GTSE1: variants seen among roughly 807,000 people sequenced by gnomAD.
GTSE1 encodes the protein G2 and S phase-expressed protein 1.
A neutral mutation model predicts 60.5 loss-of-function variants in GTSE1; 52 were observed. The ratio of observed to expected loss-of-function variants is 0.86; its 90% CI spans 0.69 to 1.08. GTSE1 has a LOEUF of 1.08. GTSE1 is among the 50% of genes least tolerant of loss of function. The pLI is 0.00. For missense variants in GTSE1, 937 were observed against 961.8 expected (o/e 0.97, Z 0.34); for synonymous variants, 368 against 386.5 (o/e 0.95, Z 0.56).
intron 6 of GTSE1, 95 bp from the exon 7 acceptor site, chr22:46,315,937 A>C (rs2077776472): frequency 9.4e-6 from 9 of 952,598 alleles, no homozygotes; most frequent in Non-Finnish European, 1.4e-5. Context: ...TCTTATGTTT[A>C]AGGTAGATAT....
At chr22:46,322,223 T>G (rs1042598160) in intron 7 of GTSE1, among the ~76,000 whole-genome samples, 3 of 151,914 alleles carry the variant, frequency 2.0e-5, no homozygotes, top group African/African-American at 7.3e-5. Flanking sequence ...CTTGTTAAGA[T>G]GGAGGGCCCA....
chr22:46,312,286 C>A lies in GTSE1; in HGVS notation c.908C>A (p.Ala303Glu). 6.2e-7 allele frequency: 1 copy of A among 1,612,598 alleles called. No homozygotes were observed. The highest frequency in any genetic ancestry group is 8.5e-7 in the Non-Finnish European group (1 of 1,179,432). Reference sequence around the variant, plus strand: ...AGCCACTTGGGCCAGGGCAAGCGGGCGATCCCTGTTCCAAACAAGGTGAGT... The same window carrying A: ...AGCCACTTGGGCCAGGGCAAGCGGGAGATCCCTGTTCCAAACAAGGTGAGT... ...AGSHLGQGKR[A>E]IPVPNKLGLK... The change falls in exon 5 of 12, where the codon GCG becomes GAG. Residue 303 changes from alanine to glutamate, a missense_variant. Physicochemically the swap from Ala to Glu is moderately radical, Grantham distance 107 (BLOSUM62 -1). Transcript: ENST00000454366.
rs2077765676 is a variant in GTSE1, at chr22:46,314,212, A to G, written c.1051+199A>G. Among the ~76,000 whole-genome samples the G allele has an allele frequency of 6.6e-6, 1 of 152,274 alleles. No individual in the cohort carries two copies. The highest frequency in any genetic ancestry group is 6.5e-5 in the Admixed American group (1 of 15,282). On this transcript the variant is annotated intron_variant, in intron 6 of 11. Transcript: ENST00000454366. The surrounding 1 kb of genome is among the most constrained non-coding windows in gnomAD (Gnocchi z 7.1). Reference sequence around the variant, plus strand: ...TGCCTCTGTCCCATGAGGAGGGCACACTCAGATGGGTGGCTTCAGTCTACG... The same window carrying G: ...TGCCTCTGTCCCATGAGGAGGGCACGCTCAGATGGGTGGCTTCAGTCTACG...
chr22:46,311,555 C>G (rs2077748905), intron 4 of GTSE1, among the ~76,000 whole-genome samples: 1 of 152,238 alleles, frequency 6.6e-6, no homozygotes, highest in Non-Finnish European at 1.5e-5. Context: ...ACTGCTGCGT[C>G]TTTACCACTC....
At position 46,310,280 on chromosome 22, in the gene GTSE1, G is replaced by A. The variant is rs2077740994; in HGVS notation, c.762+1337G>A. Among the ~76,000 whole-genome samples, 5 of 152,196 alleles carry A rather than the reference G, an allele frequency of 3.3e-5. No individual in the cohort carries two copies. The highest frequency in any genetic ancestry group is 2.1e-4 in the South Asian group (1 of 4,832). ...AGGAAGAAGAAAAAGAAAATAACAG[G>A]TGTTATTTTGAGGATGAGGATGTTG... On this transcript the variant is annotated intron_variant, in intron 4 of 11. Transcript: ENST00000454366. This position sits in a 1 kb window ranked among gnomAD's most constrained non-coding sequence, Gnocchi z 4.4.
chr22:46,305,914 A>G (rs1409485598), intron 2 of GTSE1, among the ~76,000 whole-genome samples: 1 of 152,070 alleles, frequency 6.6e-6, no homozygotes, highest in African/African-American at 2.4e-5. Flanking sequence ...CTCAAAAAAA[A>G]AAGAATAAAT....
rs538076241 is a variant in GTSE1, at chr22:46,317,172, G to C, written c.1432+760G>C. On this transcript the variant is annotated intron_variant, in intron 7 of 11. Transcript: ENST00000454366. This position sits in a 1 kb window ranked among gnomAD's most constrained non-coding sequence, Gnocchi z 5.6. ...GGTAGAGACGGGGTTTCGCCATGTTGGCCAGGCTGGTCTGGAACTCCTGAC... is the reference window on the plus strand; with the variant it reads ...GGTAGAGACGGGGTTTCGCCATGTTCGCCAGGCTGGTCTGGAACTCCTGAC... Among the ~76,000 whole-genome samples, 5 of 152,062 alleles carry C rather than the reference G, an allele frequency of 3.3e-5. No homozygotes were observed. Among genetic ancestry groups the C allele is most frequent in the African/African-American group, 1.2e-4 (5 of 41,460 alleles).
At position 46,308,891 on chromosome 22, in the gene GTSE1, T is replaced by C. The variant is rs1182486649; in HGVS notation, c.710T>C (p.Leu237Pro). The C allele has an allele frequency of 1.2e-6, 2 of 1,613,068 alleles. No homozygotes were observed. The highest frequency in any genetic ancestry group is 2.2e-5 in the East Asian group (1 of 44,898). Residue 237 changes from leucine (L) to proline (P), a missense_variant, in exon 4 of 12, where the codon CTG (leucine) becomes CCG (proline). Physicochemically the swap from Leu to Pro is moderately conservative, Grantham distance 98. Transcript: ENST00000454366. ...AGGAAGCCCGGGACCAAATTGCTGCTGCCTCGAGCGGCCTCTGTTAGAGGA... is the reference window on the plus strand; with the variant it reads ...AGGAAGCCCGGGACCAAATTGCTGCCGCCTCGAGCGGCCTCTGTTAGAGGA... Reference protein sequence around the residue: ...TQRKPGTKLLLPRAASVRGRS... With the variant: ...TQRKPGTKLLPPRAASVRGRS...
chr22:46,323,142 T>A (rs1044329107), intron 7 of GTSE1, 48 bp from the exon 8 acceptor site: 1 of 1,210,792 alleles, frequency 8.3e-7, no homozygotes, highest in East Asian at 2.3e-5. Context: ...ACAGTAGGTC[T>A]CCCCCTGATC....
At chr22:46,315,405 G>A (rs2077773125) in intron 6 of GTSE1, among the ~76,000 whole-genome samples, 1 of 152,100 alleles carries the variant, frequency 6.6e-6, no homozygotes. Context: ...ATATTAGCCA[G>A]GCTGGTCTCG....
Position 46,329,052 on chromosome 22 carries a change from TC to T in GTSE1, c.1926+165del. 1 of 631,564 alleles carries T rather than the reference TC, an allele frequency of 1.6e-6. No homozygotes were observed. The highest frequency in any genetic ancestry group is 1.9e-5 in the South Asian group (1 of 53,916). The allele number at this position is 631,564 out of a possible 1,614,324, so 39.1% of individuals were successfully genotyped here. On this transcript the variant is annotated intron_variant, in intron 10 of 11. Transcript: ENST00000454366. This position sits in a 1 kb window ranked among gnomAD's most constrained non-coding sequence, Gnocchi z 6.4. Reference sequence around the variant, plus strand: ...AACCCAAAGGGAGGCAGTCAGGACTTCCAGGCCTCCAGGGGAGAAAGCCCTG... The same window carrying T: ...AACCCAAAGGGAGGCAGTCAGGACTTCAGGCCTCCAGGGGAGAAAGCCCTG...
At position 46,329,959 on chromosome 22, in the gene GTSE1, G is replaced by A; in HGVS notation, c.2137-88G>A. 1.2e-6 allele frequency: 1 copy of A among 813,936 alleles called. No individual in the cohort carries two copies. Among genetic ancestry groups the A allele is most frequent in the Non-Finnish European group, 2.2e-6 (1 of 463,502 alleles). 50.4% of individuals were successfully genotyped at this position (813,936 alleles called of 1,614,324 possible). On this transcript the variant is annotated intron_variant, in intron 11 of 11. Coordinates refer to ENST00000454366, the MANE Select transcript of GTSE1 (RefSeq NM_016426.7). This position sits in a 1 kb window ranked among gnomAD's most constrained non-coding sequence, Gnocchi z 6.4. ...GCCAGGATGAGCGAGTGGCTGTGAT[G>A]ACCCACGCAGCCAGTCCTCTGTGCA... is the stretch of plus-strand genomic sequence containing the variant.
chr22:46,312,237 G>A lies in GTSE1; in HGVS notation c.859G>A (p.Ala287Thr), dbSNP rs1397610697. Residue 287 changes from alanine (A) to threonine (T), a missense_variant, in exon 5 of 12, where the codon GCT (alanine) becomes ACT (threonine). By Grantham distance (58) the Ala-to-Thr change is moderately conservative (BLOSUM62 0). Transcript: ENST00000454366. ...TCTCCCTGACAAACCTGCCCCGGGT[G>A]CTGTCAATGTGCCGGCCGCCGGAAG... is the stretch of plus-strand genomic sequence containing the variant. The part of the protein sequence containing the change: ...DVLPDKPAPG[A>T]VNVPAAGSHL... 5 of 1,614,180 alleles carry A rather than the reference G, an allele frequency of 3.1e-6. No homozygotes were observed. Among genetic ancestry groups the A allele is most frequent in the Non-Finnish European group, 4.2e-6 (5 of 1,180,014 alleles).
At chr22:46,322,370 AAGGGGCTCTG>A (rs1260184702) in intron 7 of GTSE1, among the ~76,000 whole-genome samples, 14 of 152,266 alleles carry the variant, frequency 9.2e-5, no homozygotes, top group Non-Finnish European at 4.4e-5. Context: ...GTGCTGGGGT[AAGGGGCTCTG>A]AGGGACAGCC....
chr22:46,321,957 C>A lies in GTSE1; in HGVS notation c.1433-1233C>A, dbSNP rs1221554795. Among the ~76,000 whole-genome samples, 1 of 151,486 alleles carries A rather than the reference C, an allele frequency of 6.6e-6. No homozygotes were observed. Among genetic ancestry groups the A allele is most frequent in the African/African-American group, 2.4e-5 (1 of 41,254 alleles). ...GGCGTGGTGGCGGGCACCTATAATT[C>A]CAGCTACTCAGGAGGCTGAGGCAAA... On this transcript the variant is annotated intron_variant, in intron 7 of 11. Transcript: ENST00000454366. The surrounding 1 kb of genome is among the most constrained non-coding windows in gnomAD (Gnocchi z 4.0).
chr22:46,306,891 T>C (rs1470330736), intron 2 of GTSE1, among the ~76,000 whole-genome samples: 1 of 152,244 alleles, frequency 6.6e-6, no homozygotes, highest in African/African-American at 2.4e-5. Flanking sequence ...ATTTGCTAAG[T>C]GTCCAGGCCC....
Position 46,329,425 on chromosome 22 carries a change from T to C in GTSE1, c.1994T>C (p.Ile665Thr), listed in dbSNP as rs746992533. The C allele has an allele frequency of 5.6e-6, 9 of 1,614,072 alleles. No individual in the cohort carries two copies. The East Asian group carries it at 8.9e-5, about 16-fold the overall frequency. The change falls in exon 11 of 12, where the codon ATT becomes ACT. Residue 665 changes from isoleucine to threonine, a missense_variant. Ile to Thr is a moderately conservative substitution (Grantham distance 89). Coordinates refer to ENST00000454366, the MANE Select transcript of GTSE1 (RefSeq NM_016426.7). This position sits in a 1 kb window ranked among gnomAD's most constrained non-coding sequence, Gnocchi z 6.4. Reference sequence around the variant, plus strand: ...CCAGATGCTGCAAGCCAGCCCCTCATTGACCTTCCTCTCATCGACTTCTGC... The same window carrying C: ...CCAGATGCTGCAAGCCAGCCCCTCACTGACCTTCCTCTCATCGACTTCTGC... ...VTPDAASQPLIDLPLIDFCDT... is the reference protein window; with the variant it reads ...VTPDAASQPLTDLPLIDFCDT...
intron 3 of GTSE1, 50 bp from the exon 4 acceptor site, chr22:46,308,269 T>C (rs1234812599): frequency 6.2e-7 from 1 of 1,607,076 alleles, no homozygotes; most frequent in Non-Finnish European, 8.5e-7. Context: ...AGTCTTTCCT[T>C]TAAATGCCAG....
rs776972459 is a variant in GTSE1 at position 46,313,953 on chromosome 22, T to C, written c.991T>C (p.Ser331Pro). The change falls in exon 6 of 12, where the codon TCC becomes CCC. Residue 331 changes from serine (S) to proline (P), a missense_variant. Physicochemically the swap from Ser to Pro is moderately conservative, Grantham distance 74. Transcript: ENST00000454366. This position sits in a 1 kb window ranked among gnomAD's most constrained non-coding sequence, Gnocchi z 4.4. ...TACCAGCAATCTCGCAAGGAAGTCCTCCTCGGGGCCTGTTTGGAGCGGGGC... is the reference window on the plus strand; with the variant it reads ...TACCAGCAATCTCGCAAGGAAGTCCCCCTCGGGGCCTGTTTGGAGCGGGGC... ...GSTSNLARKS[S>P]SGPVWSGASS... The C allele has an allele frequency of 6.2e-7, 1 of 1,614,224 alleles. No homozygotes were observed. Among genetic ancestry groups the C allele is most frequent in the Non-Finnish European group, 8.5e-7 (1 of 1,180,024 alleles).
Sources: allele counts gnomAD v4.1 joint callset (sites outside exome capture counted in the v4.1 genomes callset), GRCh38; gene constraint gnomAD v4.1.1; non-coding constraint Gnocchi (gnomAD v3.1); transcripts MANE v1.5; gene names NCBI Gene and HGNC (gene_info 2026-07-23, HGNC 2026-07-21).